CCDC102B: variants seen among roughly 807,000 people sequenced by gnomAD.
The protein encoded by CCDC102B is coiled-coil domain-containing protein 102B.
CCDC102B carries 75 observed loss-of-function variants against 57.4 expected under a neutral mutation model. The ratio of observed to expected loss-of-function variants is 1.31; its 90% confidence interval spans 1.08 to 1.58. The LOEUF is 1.58. CCDC102B is among the 40% of genes most tolerant of loss of function. CCDC102B has a pLI of 0.00. For synonymous variants in CCDC102B, 206 were observed against 201.9 expected (o/e 1.02, Z -0.17); for missense variants, 636 against 582.6 (o/e 1.09, Z -0.94).
chr18:68,876,588 CTTA>C (rs1015951183), intron 5 of CCDC102B, among the ~76,000 whole-genome samples: 1 of 152,044 alleles, frequency 6.6e-6, no homozygotes, highest in African/African-American at 2.4e-5. Context: ...CTCAATTCCT[CTTA>C]TTGACTTTAC....
At chr18:68,812,259 C>A (rs1231679545) in intron 1 of CCDC102B, among the ~76,000 whole-genome samples, 1 of 151,808 alleles carries the variant, frequency 6.6e-6, no homozygotes, top group Non-Finnish European at 1.5e-5. Flanking sequence ...TCAAAATTCA[C>A]ATTATGTTAA....
chr18:68,830,686 C>A (rs1283140048), intron 1 of CCDC102B, among the ~76,000 whole-genome samples: 1 of 144,946 alleles, frequency 6.9e-6, no homozygotes, highest in African/African-American at 2.8e-5. Flanking sequence ...CTGCTAAGCT[C>A]AAATGTATGA....
At chr18:68,971,411 A>C (rs1426746916) in intron 6 of CCDC102B, among the ~76,000 whole-genome samples, 1 of 152,140 alleles carries the variant, frequency 6.6e-6, no homozygotes, top group African/African-American at 2.4e-5. Context: ...AGTTACATAT[A>C]CACAGAAATT....
rs1486506066 is a variant in CCDC102B at position 68,722,434 on chromosome 18, G to A, written c.-67+5840G>A. Among the ~76,000 whole-genome samples, 3 of 152,074 alleles carry A rather than the reference G, an allele frequency of 2.0e-5. No homozygotes were observed. In the East Asian group the frequency reaches 5.8e-4, roughly 29 times the overall value. On this transcript the variant is annotated intron_variant, in intron 2 of 3. Transcript: ENST00000578970. ...GCTTATGAGTGCTGCTGTTATAAAAGACACCCCACCACCATGAACACCATA... is the reference window on the plus strand; with the variant it reads ...GCTTATGAGTGCTGCTGTTATAAAAAACACCCCACCACCATGAACACCATA...
chr18:68,775,947 C>T (rs1236679416), intron 2 of CCDC102B, among the ~76,000 whole-genome samples: 6 of 152,156 alleles, frequency 3.9e-5, no homozygotes, highest in African/African-American at 1.2e-4. Context: ...CCACAAAGCC[C>T]GGCCCCTGGA....
intron 6 of CCDC102B, among the ~76,000 whole-genome samples, chr18:68,969,323 C>T (rs1176760569): frequency 1.3e-5 from 2 of 152,152 alleles, no homozygotes; most frequent in Non-Finnish European, 2.9e-5. Context: ...CCCTTACCTG[C>T]CTGTGTCTGA....
At chr18:68,973,574 C>G (rs2050354584) in intron 6 of CCDC102B, among the ~76,000 whole-genome samples, 1 of 152,038 alleles carries the variant, frequency 6.6e-6, no homozygotes, top group Admixed American at 6.6e-5. Context: ...TACACTTTTT[C>G]TTATAAAACA....
chr18:68,729,143 TTAATC>T (rs2032745164), intron 2 of CCDC102B, among the ~76,000 whole-genome samples: 1 of 152,168 alleles, frequency 6.6e-6, no homozygotes, highest in East Asian at 1.9e-4. Context: ...TGCATTATAA[TTAATC>T]TAAAGATGTG....
intron 7 of CCDC102B, among the ~76,000 whole-genome samples, chr18:69,018,577 A>T (rs187463101): frequency 2.6e-4 from 39 of 152,240 alleles, no homozygotes; most frequent in Non-Finnish European, 4.9e-4. Context: ...TATTAGTTAG[A>T]TGCCTATTCA....
rs972786219 is a variant in CCDC102B at position 69,026,408 on chromosome 18, G to A, written c.1434+15304G>A. 9.3e-5 allele frequency among the ~76,000 whole-genome samples: 14 copies of A among 150,872 alleles called. No individual in the cohort carries two copies. In the East Asian group the frequency reaches 9.8e-4, roughly 11 times the overall value. The stretch of plus-strand genomic sequence containing the variant: ...CTTGAAGCCTGGAAGTGGAGGTTGC[G>A]GTGAGCCGGGATGACACCAATGCAC... On this transcript the variant is annotated intron_variant, in intron 7 of 7. Coordinates refer to ENST00000360242, the MANE Select transcript of CCDC102B (RefSeq NM_024781.3).
Position 69,014,924 on chromosome 18 carries a change from C to T in CCDC102B, c.1434+3820C>T, listed in dbSNP as rs557303288. Among the ~76,000 whole-genome samples, 9 of 145,200 alleles carry T rather than the reference C, an allele frequency of 6.2e-5. No individual in the cohort carries two copies. In the South Asian group the frequency reaches 8.6e-4, roughly 14 times the overall value. ...AAGAAGGGAGAAACACAGTTTGTGA[C>T]GAAGTGAGTGGCCTGCACTATACTG... On this transcript the variant is annotated intron_variant, in intron 7 of 7. Coordinates refer to ENST00000360242, the MANE Select transcript of CCDC102B (RefSeq NM_024781.3).
At chr18:68,942,732 G>C (rs2049414096) in intron 6 of CCDC102B, among the ~76,000 whole-genome samples, 2 of 151,822 alleles carry the variant, frequency 1.3e-5, no homozygotes, top group South Asian at 2.1e-4. Flanking sequence ...TTGCCCAGTC[G>C]ACAAGCAGGA....
chr18:68,733,720 G>A (rs978419516), intron 2 of CCDC102B, among the ~76,000 whole-genome samples: 1 of 151,928 alleles, frequency 6.6e-6, no homozygotes. Flanking sequence ...ATTTACCTAA[G>A]AGGACTTCCA....
rs1283798714 is a variant in CCDC102B, at chr18:69,041,641, T to C, written c.1435-12389T>C. On this transcript the variant is annotated intron_variant, in intron 7 of 7. Coordinates refer to ENST00000360242, the MANE Select transcript of CCDC102B (RefSeq NM_024781.3). ...GGAGTCTGACCATTAGAATTTCAGCTTACATATCTTTATTTCTCTCTTTTT... is the reference window on the plus strand; with the variant it reads ...GGAGTCTGACCATTAGAATTTCAGCCTACATATCTTTATTTCTCTCTTTTT... 2.6e-5 allele frequency among the ~76,000 whole-genome samples: 4 copies of C among 152,166 alleles called. No homozygotes were observed. In the East Asian group the frequency reaches 7.7e-4, roughly 29 times the overall value.
At chr18:68,741,468 G>A (rs1446427233) in intron 2 of CCDC102B, among the ~76,000 whole-genome samples, 1 of 152,138 alleles carries the variant, frequency 6.6e-6, no homozygotes, top group Non-Finnish European at 1.5e-5. Context: ...GAACCATGGG[G>A]ATCTAAGTGG....
At chr18:68,955,685 G>A (rs547664264) in intron 6 of CCDC102B, among the ~76,000 whole-genome samples, 3 of 151,646 alleles carry the variant, frequency 2.0e-5, no homozygotes, top group Admixed American at 2.0e-4. Context: ...GCTAAAGCTA[G>A]GCGTTTCCAA....
At chr18:68,765,342 AAAGAAAGAAAG>A (rs2034416128) in intron 2 of CCDC102B, among the ~76,000 whole-genome samples, 2 of 140,814 alleles carry the variant, frequency 1.4e-5, no homozygotes, top group East Asian at 4.1e-4. Context: ...AGAAAGAAAG[AAAGAAAGAAAG>A]AAAGAAAGAA....
intron 1 of CCDC102B, among the ~76,000 whole-genome samples, chr18:68,836,116 A>G (rs1380211481): frequency 1.3e-5 from 2 of 152,194 alleles, no homozygotes; most frequent in Non-Finnish European, 2.9e-5. Flanking sequence ...AAATATTACA[A>G]TTTGTATTTC....
intron 3 of CCDC102B, among the ~76,000 whole-genome samples, chr18:68,844,377 T>A (rs2037764903): frequency 6.6e-6 from 1 of 151,830 alleles, no homozygotes; most frequent in South Asian, 2.1e-4. Flanking sequence ...TTAATTAAAA[T>A]CTTTTATAAA....
Sources: allele counts gnomAD v4.1 joint callset (sites outside exome capture counted in the v4.1 genomes callset), GRCh38; gene constraint gnomAD v4.1.1; transcripts MANE v1.5; gene names NCBI Gene and HGNC (gene_info 2026-07-23, HGNC 2026-07-21).